GARNL3: variants seen among roughly 807,000 people sequenced by gnomAD.
GARNL3 encodes the protein GTPase activating Rap/RanGAP domain like 3.
GARNL3 carries 63 observed loss-of-function variants against 125.0 expected under a neutral mutation model. The observed-to-expected ratio is 0.50, with a 90% CI of 0.41 to 0.62. The LOEUF is 0.62. GARNL3 is among the 20% of genes least tolerant of loss of function. The probability of loss-of-function intolerance (pLI) is 0.00; values close to 1 mark genes in which losing one functional copy is unlikely to be tolerated. For missense variants in GARNL3, 994 were observed against 1,244.0 expected (o/e 0.80, Z 3.02); for synonymous variants, 439 against 457.5 (o/e 0.96, Z 0.52).
rs760317876 is a variant in GARNL3, at chr9:127,311,640, C to T, written c.224C>T (p.Ala75Val). ...CACAACTTTGTTCCATTACAGAATG[C>T]AACTGCCCTGCCTGGTACTTGGCGA... is the stretch of plus-strand genomic sequence containing the variant. ...RVENGSSDEN[A>V]TALPGTWRRT... The change falls in exon 3 of 28, where the codon GCA (alanine) becomes GTA (valine). Residue 75 changes from alanine (A) to valine (V), a missense_variant. This residue lies in a region of GARNL3 where 139 missense variants were observed against 231.6 expected (regional missense o/e 0.60). Coordinates refer to ENST00000373387, the MANE Select transcript of GARNL3 (RefSeq NM_032293.5). The T allele has an allele frequency of 3.1e-6, 5 of 1,611,612 alleles. No individual in the cohort carries two copies. The highest frequency in any genetic ancestry group is 1.7e-5 in the Admixed American group (1 of 60,020).
chr9:127,253,428 T>G (rs2063441028), intron 2 of GARNL3, among the ~76,000 whole-genome samples: 1 of 152,210 alleles, frequency 6.6e-6, no homozygotes, highest in Non-Finnish European at 1.5e-5. Flanking sequence ...AAAACCCTAC[T>G]AAGAACTAAG....
intron 20 of GARNL3, among the ~76,000 whole-genome samples, chr9:127,356,759 T>C (rs377085467): frequency 1.3e-5 from 2 of 152,190 alleles, no homozygotes; most frequent in African/African-American, 4.8e-5. Context: ...TGTGTAAACT[T>C]TGTGATGACT....
chr9:127,334,479 C>T (rs1169147665), intron 9 of GARNL3, among the ~76,000 whole-genome samples: 2 of 152,150 alleles, frequency 1.3e-5, no homozygotes, highest in Non-Finnish European at 2.9e-5. Context: ...CTGACAGATG[C>T]AGGGATAGGG....
chr9:127,228,928 ATTC>A (rs1372642963), intron 1 of GARNL3, among the ~76,000 whole-genome samples: 1 of 152,082 alleles, frequency 6.6e-6, no homozygotes, highest in Admixed American at 6.6e-5. Context: ...GGTTCAAGCA[ATTC>A]TTCTGCCTCA....
intron 27 of GARNL3, among the ~76,000 whole-genome samples, chr9:127,391,533 A>AAAAAAAAAAAAAAAAAAAAATAT: frequency 9.2e-5 from 7 of 75,866 alleles, no homozygotes; most frequent in East Asian, 7.9e-4. Flanking sequence ...ACAAAAAAAA[A>AAAAAAAAAAAAAAAAAAAAATAT]ATATATATAT....
At chr9:127,377,181 A>G (rs1334008672) in intron 22 of GARNL3, among the ~76,000 whole-genome samples, 2 of 152,234 alleles carry the variant, frequency 1.3e-5, no homozygotes, top group Non-Finnish European at 2.9e-5. Flanking sequence ...TTAACACAGT[A>G]TGATGCTGGT....
chr9:127,314,564 C>G (rs1404067306), intron 4 of GARNL3, among the ~76,000 whole-genome samples: 1 of 150,872 alleles, frequency 6.6e-6, no homozygotes, highest in Non-Finnish European at 1.5e-5. Flanking sequence ...CCCTCCCCCT[C>G]CCTCCCTCCC....
At chr9:127,243,006 G>T (rs2063230099) in intron 1 of GARNL3, 1 of 1,236,608 alleles carries the variant, frequency 8.1e-7, no homozygotes, top group African/African-American at 1.6e-5. Flanking sequence ...TTGGGAGGAG[G>T]GTAAAGCAGG....
chr9:127,342,133 G>C, intron 13 of GARNL3, 86 bp from the exon 14 acceptor site: 1 of 915,928 alleles, frequency 1.1e-6, no homozygotes, highest in South Asian at 1.5e-5. Flanking sequence ...CAGAACTAAA[G>C]AAAAGAACAG....
intron 2 of GARNL3, among the ~76,000 whole-genome samples, chr9:127,291,742 T>C (rs2064425234): frequency 6.7e-6 from 1 of 148,732 alleles, no homozygotes; most frequent in African/African-American, 2.5e-5. Context: ...TTTTTTTTTT[T>C]TTTTTTTTGC....
chr9:127,354,206 G>C (rs1438934836), intron 18 of GARNL3, 88 bp from the exon 19 acceptor site: 1 of 967,244 alleles, frequency 1.0e-6, no homozygotes. Flanking sequence ...TCCAATCCTA[G>C]TTTTTCTACA....
At chr9:127,301,648 C>G (rs970344774) in intron 2 of GARNL3, among the ~76,000 whole-genome samples, 3 of 152,140 alleles carry the variant, frequency 2.0e-5, no homozygotes, top group African/African-American at 7.2e-5. Flanking sequence ...ATTAGTGTGT[C>G]TCATAATTCC....
At position 127,357,242 on chromosome 9, in the gene GARNL3, C is replaced by T; in HGVS notation, c.1959C>T (p.Pro653=). Residue 653 remains proline, a synonymous_variant, in exon 21 of 28, where the codon CCC becomes CCT. Coordinates refer to ENST00000373387, the MANE Select transcript of GARNL3 (RefSeq NM_032293.5). ...AGGAGATCTGTCTGTCTGACTCTCC[C>T]ATGGTGATGACCTTAGTGGATGGGC... ...YIREICLSDS[P]MVMTLVDGPA... 1 of 1,614,192 alleles carries T rather than the reference C, an allele frequency of 6.2e-7. No individual in the cohort carries two copies. Among genetic ancestry groups the T allele is most frequent in the Non-Finnish European group, 8.5e-7 (1 of 1,180,020 alleles).
chr9:127,314,806 A>G (rs574308711), intron 4 of GARNL3, among the ~76,000 whole-genome samples: 1 of 152,338 alleles, frequency 6.6e-6, no homozygotes, highest in South Asian at 2.1e-4. Flanking sequence ...CTGAAGACAG[A>G]GAATGACAGA....
intron 19 of GARNL3, 57 bp downstream of exon 19, chr9:127,354,467 C>T: frequency 9.8e-7 from 1 of 1,016,888 alleles, no homozygotes; most frequent in Non-Finnish European, 1.5e-6. Context: ...CCTCAGGCTG[C>T]CCAGGTTTTA....
chr9:127,273,220 G>A (rs1489626034), intron 1 of GARNL3, among the ~76,000 whole-genome samples: 1 of 152,138 alleles, frequency 6.6e-6, no homozygotes, highest in East Asian at 1.9e-4. Flanking sequence ...GGAAGAAGCA[G>A]GAGTGACATT....
intron 1 of GARNL3, among the ~76,000 whole-genome samples, chr9:127,265,979 A>T (rs2063696690): frequency 6.6e-6 from 1 of 152,202 alleles, no homozygotes; most frequent in African/African-American, 2.4e-5. Context: ...AATGAGTAAA[A>T]GATACAGTCC....
chr9:127,264,754 T>C (rs1408709297), upstream of GARNL3: 19 of 1,275,088 alleles, frequency 1.5e-5, no homozygotes, highest in Non-Finnish European at 1.7e-5. Context: ...TTGCTTTTTA[T>C]TGAGGGCTCC....
chr9:127,354,639 C>T (rs1830590883), intron 19 of GARNL3, among the ~76,000 whole-genome samples: 3 of 152,174 alleles, frequency 2.0e-5, no homozygotes, highest in African/African-American at 7.2e-5. Context: ...TCTAGAGATG[C>T]ATTAAACTCT....
Sources: allele counts gnomAD v4.1 joint callset (sites outside exome capture counted in the v4.1 genomes callset), GRCh38; gene constraint gnomAD v4.1.1; regional missense constraint gnomAD v4.1.1; transcripts MANE v1.5; gene names NCBI Gene and HGNC (gene_info 2026-07-23, HGNC 2026-07-21).